BCAR3: variants seen among roughly 807,000 people sequenced by gnomAD.
The protein encoded by BCAR3 is BCAR3 adaptor protein, NSP family member, also known as breast cancer anti-estrogen resistance protein 3.
BCAR3 carries 37 observed loss-of-function variants against 80.1 expected under a neutral mutation model. The observed-to-expected ratio is 0.46, with a 90% confidence interval of 0.36 to 0.61. The LOEUF is 0.61. BCAR3 is among the 20% of genes least tolerant of loss of function. BCAR3 has a pLI of 0.00. For synonymous variants in BCAR3, 389 were observed against 418.9 expected, an observed-to-expected ratio of 0.93 and a Z score of 0.87; for missense variants, 978 against 1,068.2, an observed-to-expected ratio of 0.92 and a Z score of 1.18.
At chr1:93,571,331 C>G (rs1673205303) in intron 9 of BCAR3, among the ~76,000 whole-genome samples, 1 of 151,946 alleles carries the variant, frequency 6.6e-6, no homozygotes, top group Non-Finnish European at 1.5e-5. Context: ...GAAACCCTGT[C>G]CCTACTAAAA....
chr1:93,665,383 T>C (rs886620678), intron 2 of BCAR3, among the ~76,000 whole-genome samples: 5 of 152,072 alleles, frequency 3.3e-5, no homozygotes, highest in South Asian at 2.1e-4. Flanking sequence ...TAGTCTCCTA[T>C]TGAATTCTAT....
intron 2 of BCAR3, among the ~76,000 whole-genome samples, chr1:93,784,165 C>T (rs116424882): frequency 1.5e-3 from 231 of 149,598 alleles, no homozygotes; most frequent in African/African-American, 5.4e-3. Flanking sequence ...TGAGTTTTCC[C>T]TACAGAATCC....
chr1:93,732,019 C>T (rs769500963), intron 2 of BCAR3, among the ~76,000 whole-genome samples: 8 of 152,200 alleles, frequency 5.3e-5, no homozygotes, highest in African/African-American at 1.2e-4. Context: ...CAGCAAACCG[C>T]GTGGACAGCT....
intron 2 of BCAR3, among the ~76,000 whole-genome samples, chr1:93,784,992 T>C (rs1652890051): frequency 6.6e-6 from 1 of 152,222 alleles, no homozygotes; most frequent in Admixed American, 6.5e-5. Flanking sequence ...AGGAGAGTTC[T>C]GCTCCACCTT....
intron 2 of BCAR3, among the ~76,000 whole-genome samples, chr1:93,772,136 C>CGTCA (rs1652376895): frequency 6.6e-6 from 1 of 152,182 alleles, no homozygotes; most frequent in African/African-American, 2.4e-5. Flanking sequence ...AGTCTGGAGA[C>CGTCA]GTCAGCAGGG....
intron 3 of BCAR3, among the ~76,000 whole-genome samples, chr1:93,628,370 A>G (rs1335955197): frequency 2.0e-5 from 3 of 152,170 alleles, no homozygotes; most frequent in African/African-American, 7.2e-5. Flanking sequence ...CCTGCAGTCT[A>G]GCAGCAACAC....
chr1:93,831,588 G>A (rs533372499), intron 2 of BCAR3, among the ~76,000 whole-genome samples: 6 of 152,096 alleles, frequency 3.9e-5, no homozygotes, highest in East Asian at 1.9e-4. Flanking sequence ...GAAGCGACTC[G>A]TCCCAAATCT....
chr1:93,700,435 A>G (rs1649597754), intron 3 of BCAR3, among the ~76,000 whole-genome samples: 2 of 152,328 alleles, frequency 1.3e-5, no homozygotes, highest in South Asian at 4.1e-4. Flanking sequence ...TCAAAGTGCT[A>G]GGATTACAGG....
intron 2 of BCAR3, among the ~76,000 whole-genome samples, chr1:93,787,148 C>T (rs12405560): frequency 0.13 from 19,092 of 152,058 alleles, 1,793 homozygotes; most frequent in African/African-American, 0.25. Context: ...TTAAGCAGTC[C>T]GTGTCTTGTC....
intron 2 of BCAR3, among the ~76,000 whole-genome samples, chr1:93,719,331 C>CTTTTT (rs1650301308): frequency 1.4e-5 from 1 of 73,402 alleles, no homozygotes; most frequent in African/African-American, 5.6e-5. Context: ...TTTAAACTTT[C>CTTTTT]TTGTTTTTTT....
intron 2 of BCAR3, among the ~76,000 whole-genome samples, chr1:93,837,745 G>A (rs1654819140): frequency 2.0e-5 from 3 of 152,128 alleles, no homozygotes. Flanking sequence ...CTTGCAACTT[G>A]GAGCCACATT....
intron 4 of BCAR3, chr1:93,590,500 G>A (rs1026208471): frequency 1.2e-4 from 19 of 152,342 alleles, no homozygotes; most frequent in Non-Finnish European, 2.6e-4. Flanking sequence ...AGTTTGGAAC[G>A]ATTTATCACT....
intron 2 of BCAR3, among the ~76,000 whole-genome samples, chr1:93,759,004 AC>A (rs899315442): frequency 1.3e-5 from 2 of 152,098 alleles, no homozygotes; most frequent in Non-Finnish European, 2.9e-5. Context: ...AACTCTTAGC[AC>A]CCTGTTATCC....
At chr1:93,679,752 A>G (rs1287117525) in intron 1 of BCAR3, among the ~76,000 whole-genome samples, 1 of 152,164 alleles carries the variant, frequency 6.6e-6, no homozygotes, top group Non-Finnish European at 1.5e-5. Flanking sequence ...CTGAGGCCCA[A>G]CTCACTTGCT....
chr1:93,581,468 T>C (rs554222608), intron 7 of BCAR3, among the ~76,000 whole-genome samples: 1 of 152,112 alleles, frequency 6.6e-6, no homozygotes, highest in Non-Finnish European at 1.5e-5. Flanking sequence ...TGGAGTGTGA[T>C]GGTGCAATCT....
chr1:93,678,053 C>A (rs777109336), intron 1 of BCAR3, among the ~76,000 whole-genome samples: 1 of 152,122 alleles, frequency 6.6e-6, no homozygotes, highest in African/African-American at 2.4e-5. Flanking sequence ...ACTATAAAAA[C>A]GTAAACCATT....
At chr1:93,568,994 C>G (rs552513386) in intron 9 of BCAR3, among the ~76,000 whole-genome samples, 1 of 152,244 alleles carries the variant, frequency 6.6e-6, no homozygotes, top group East Asian at 1.9e-4. Context: ...CTACTCATTT[C>G]TTTTCTTCTG....
At chr1:93,794,492 GT>G (rs1361357981) in intron 2 of BCAR3, among the ~76,000 whole-genome samples, 1 of 41,970 alleles carries the variant, frequency 2.4e-5, no homozygotes, top group Non-Finnish European at 3.9e-5. Context: ...GCCTTTTTTT[GT>G]TTTCCATTGG....
At chr1:93,829,396 A>G (rs983101598) in intron 2 of BCAR3, among the ~76,000 whole-genome samples, 1 of 152,130 alleles carries the variant, frequency 6.6e-6, no homozygotes, top group Non-Finnish European at 1.5e-5. Flanking sequence ...AGAGGGTGGG[A>G]GATGCCATAC....
Sources: gnomAD v4.1 joint callset for allele counts (sites outside exome capture counted in the v4.1 genomes callset) on GRCh38, gnomAD v4.1.1 for gene constraint, MANE v1.5 for transcripts, NCBI Gene and HGNC (gene_info 2026-07-23, HGNC 2026-07-21) for gene names.